PURG: variants seen among roughly 807,000 people sequenced by gnomAD.
PURG encodes the protein purine rich element binding protein G.
In PURG, 3 loss-of-function variants were observed where a neutral mutation model predicts 24.3. That is an observed-to-expected ratio of 0.12 (90% CI 0.06 to 0.32). The LOEUF is 0.32. Among genes scored for constraint, PURG ranks in the 10% least tolerant of loss-of-function variants. PURG has a pLI of 1.00. For synonymous variants in PURG, 180 were observed against 173.1 expected, an observed-to-expected ratio of 1.04 and a Z score of -0.31; for missense variants, 371 against 439.1, an observed-to-expected ratio of 0.84 and a Z score of 1.39.
At chr8:31,002,004 T>G (rs906156230) in intron 1 of PURG, among the ~76,000 whole-genome samples, 1 of 152,250 alleles carries the variant, frequency 6.6e-6, no homozygotes, top group African/African-American at 2.4e-5. Flanking sequence ...AATTAAAAGT[T>G]GTGCTTCTGG....
In PURG at chr8:31,031,487, C is replaced by A; in HGVS notation, c.*252G>T. The stretch of plus-strand genomic sequence containing the variant: ...GAATGTCACATTTTGTGCTGATTTG[C>A]ATACTTCAATAGTCTGGAGCAGTTG... On this transcript the variant is annotated 3_prime_UTR_variant, in exon 2 of 2. Coordinates refer to ENST00000523392, the MANE Select transcript of PURG (RefSeq NM_001323311.2). 1 of 458,030 alleles carries A rather than the reference C, an allele frequency of 2.2e-6. No homozygotes were observed. Among genetic ancestry groups the A allele is most frequent in the African/African-American group, 1.9e-5 (1 of 51,610 alleles). 28.4% of individuals were successfully genotyped at this position (458,030 alleles called of 1,614,324 possible).
chr8:30,999,097 A>T (rs1810486248), intron 1 of PURG, among the ~76,000 whole-genome samples: 1 of 151,826 alleles, frequency 6.6e-6, no homozygotes, highest in Non-Finnish European at 1.5e-5. Flanking sequence ...TATATATGTG[A>T]TACTCATAAT....
intron 1 of PURG, among the ~76,000 whole-genome samples, chr8:31,015,846 T>C (rs1429365301): frequency 6.6e-6 from 1 of 151,990 alleles, no homozygotes; most frequent in Non-Finnish European, 1.5e-5. Context: ...AGCCCAGGAC[T>C]TTAACACCAG....
chr8:31,016,594 A>C lies in PURG; in HGVS notation c.864+15325T>G, dbSNP rs1270943713. 1.7e-3 allele frequency among the ~76,000 whole-genome samples: 249 copies of C among 144,132 alleles called. 2 individuals carry two copies. The highest frequency in any genetic ancestry group is 2.8e-3 in the Non-Finnish European group (185 of 65,908). 94.6% of individuals were successfully genotyped at this position (144,132 alleles called of 152,430 possible). A position where few individuals can be genotyped will look rare whatever the true frequency, so the allele number is the denominator to read the frequency against. The stretch of plus-strand genomic sequence containing the variant: ...TCTACCAAGAACCAAAAAAAAAAAA[A>C]AAAAAAAAAAAAAAAGAAAGAACGC... On this transcript the variant is annotated intron_variant, in intron 1 of 1. Transcript: ENST00000339382.
intron 1 of PURG, among the ~76,000 whole-genome samples, chr8:31,013,140 G>T (rs773755603): frequency 6.6e-6 from 1 of 152,138 alleles, no homozygotes; most frequent in African/African-American, 2.4e-5. Context: ...AGAGGGCACT[G>T]CTTGAATTAG....
At chr8:30,997,386 C>A (rs996489022) in intron 1 of PURG, among the ~76,000 whole-genome samples, 1 of 151,708 alleles carries the variant, frequency 6.6e-6, no homozygotes, top group African/African-American at 2.4e-5. Flanking sequence ...CATTAACACA[C>A]CTTTGGGTTA....
In PURG at chr8:31,032,697, C is replaced by G. The variant is rs1234886708; in HGVS notation, c.86G>C (p.Arg29Thr). Residue 29 changes from arginine to threonine, a missense_variant, in exon 2 of 2, where the codon AGA (arginine) becomes ACA (threonine). Transcript: ENST00000523392. The surrounding 1 kb of genome is among the most constrained non-coding windows in gnomAD (Gnocchi z 5.9). ...NVGGSGLSKS[R>T]LYPQAQHSHY... ...GGAGTGCTGGGCCTGGGGATAGAGT[C>G]TACTCTTGCTTAGGCCAGAGCCCCC... 10 of 1,519,436 alleles carry G rather than the reference C, an allele frequency of 6.6e-6. No individual in the cohort carries two copies. Among genetic ancestry groups the G allele is most frequent in the Non-Finnish European group, 7.9e-6 (9 of 1,134,684 alleles). The allele number at this position is 1,519,436 out of a possible 1,614,324, so 94.1% of individuals were successfully genotyped here. A position where few individuals can be genotyped will look rare whatever the true frequency, so the allele number is the denominator to read the frequency against.
At chr8:31,012,006 C>CATTTAG (rs1020551139) in intron 1 of PURG, among the ~76,000 whole-genome samples, 8 of 152,076 alleles carry the variant, frequency 5.3e-5, no homozygotes, top group Admixed American at 2.6e-4. Context: ...CAATTGTCGC[C>CATTTAG]ATTTAGATTT....
chr8:31,025,625 G>A (rs971482202), intron 1 of PURG, among the ~76,000 whole-genome samples: 1 of 150,068 alleles, frequency 6.7e-6, no homozygotes, highest in Admixed American at 6.7e-5. Context: ...CATCTTTCAG[G>A]ACTCAAGTAT....
In PURG at chr8:31,032,121, G is replaced by C. The variant is rs752014345; in HGVS notation, c.662C>G (p.Thr221Ser). 6.8e-6 allele frequency: 11 copies of C among 1,614,108 alleles called. No homozygotes were observed. Among genetic ancestry groups the C allele is most frequent in the Non-Finnish European group, 5.9e-6 (7 of 1,180,044 alleles). ...CATTCCTTGTGCTGGGAGGACAATAGTCTGTTCTTGGCCCAAACTGTGGCC... is the reference window on the plus strand; with the variant it reads ...CATTCCTTGTGCTGGGAGGACAATACTCTGTTCTTGGCCCAAACTGTGGCC... The part of the protein sequence containing the change: ...YFGHSLGQEQ[T>S]IVLPAQGMIE... The change falls in exon 2 of 2, where the codon ACT (threonine) becomes AGT (serine). Residue 221 changes from threonine (T) to serine (S), a missense_variant. Around this residue, in one of 5 missense-constraint regions of PURG, gnomAD observed 41 missense variants for 29.8 expected, o/e 1.38. Transcript: ENST00000523392. This position sits in a 1 kb window ranked among gnomAD's most constrained non-coding sequence, Gnocchi z 5.9.
chr8:31,015,044 G>A (rs975057367), intron 1 of PURG, among the ~76,000 whole-genome samples: 5 of 152,182 alleles, frequency 3.3e-5, no homozygotes, highest in African/African-American at 1.2e-4. Flanking sequence ...TATACTTGGA[G>A]AGCTAAATAG....
At chr8:31,017,516 T>C (rs939688468) in intron 1 of PURG, among the ~76,000 whole-genome samples, 1 of 152,156 alleles carries the variant, frequency 6.6e-6, no homozygotes, top group Admixed American at 6.5e-5. Flanking sequence ...GCAATATAGT[T>C]TATAGATGTT....
At chr8:31,020,780 T>C (rs1585364069) in intron 1 of PURG, among the ~76,000 whole-genome samples, 1 of 152,218 alleles carries the variant, frequency 6.6e-6, no homozygotes, top group East Asian at 1.9e-4. Flanking sequence ...TTTCCATCAC[T>C]ATCTTCTGTA....
At chr8:31,003,031 G>A (rs1431285666) in intron 1 of PURG, among the ~76,000 whole-genome samples, 1 of 152,186 alleles carries the variant, frequency 6.6e-6, no homozygotes, top group East Asian at 1.9e-4. Context: ...AGCACTGTGA[G>A]TTGCCCTTCT....
In PURG at chr8:31,032,165, A is replaced by G; in HGVS notation, c.618T>C (p.Thr206=). Residue 206 remains threonine (T), a synonymous_variant, in exon 2 of 2, where the codon ACT becomes ACC. Transcript: ENST00000523392. The surrounding 1 kb of genome is among the most constrained non-coding windows in gnomAD (Gnocchi z 5.9). ...TGTGGCCAAAATAACCTATCATGCC[A>G]GTCCCCCGCATCATGGTTTGTCTAA... ...LRIRQTMMRG[T]GMIGYFGHSL... is the part of the protein sequence containing the mutation. 6.2e-7 allele frequency: 1 copy of G among 1,614,180 alleles called. No homozygotes were observed. Among genetic ancestry groups the G allele is most frequent in the Non-Finnish European group, 8.5e-7 (1 of 1,180,018 alleles).
intron 1 of PURG, among the ~76,000 whole-genome samples, chr8:31,021,416 T>C (rs1036333523): frequency 2.6e-5 from 4 of 152,186 alleles, no homozygotes; most frequent in African/African-American, 7.2e-5. Context: ...TTGGAAATAG[T>C]TGATCAAGAT....
At chr8:31,009,285 G>A (rs986749328) in intron 1 of PURG, among the ~76,000 whole-genome samples, 4 of 152,134 alleles carry the variant, frequency 2.6e-5, no homozygotes, top group Non-Finnish European at 4.4e-5. Context: ...AATTAGCTGG[G>A]CGTGGTGACA....
chr8:31,015,608 T>C (rs1810847260), intron 1 of PURG, among the ~76,000 whole-genome samples: 1 of 152,208 alleles, frequency 6.6e-6, no homozygotes, highest in Non-Finnish European at 1.5e-5. Context: ...AGTGGACTGA[T>C]GTCAAGTAAG....
intron 1 of PURG, among the ~76,000 whole-genome samples, chr8:31,009,113 G>C (rs1306213722): frequency 1.3e-5 from 2 of 152,058 alleles, no homozygotes; most frequent in South Asian, 2.1e-4. Flanking sequence ...TGAAACTTCT[G>C]TGGCCATAAA....
Sources: gnomAD v4.1 joint callset for allele counts (sites outside exome capture counted in the v4.1 genomes callset) on GRCh38, gnomAD v4.1.1 for gene constraint, gnomAD v4.1.1 regional missense constraint, Gnocchi (gnomAD v3.1) non-coding constraint, MANE v1.5 for transcripts, NCBI Gene and HGNC (gene_info 2026-07-23, HGNC 2026-07-21) for gene names.